SHISA9: variants seen among roughly 807,000 people sequenced by gnomAD.
SHISA9 encodes the protein shisa family member 9, also known as protein shisa-9.
SHISA9 carries 13 observed loss-of-function variants against 38.0 expected under a neutral mutation model. That is an observed-to-expected ratio of 0.34 (90% CI 0.22 to 0.54). The LOEUF is 0.54. Ranked by LOEUF, SHISA9 falls within the 20% of genes least tolerant of loss-of-function variation. SHISA9 has a pLI of 0.91. For synonymous variants in SHISA9, 275 were observed against 242.0 expected (o/e 1.14, Z -1.27); for missense variants, 538 against 575.8 (o/e 0.93, Z 0.67).
the SHISA9 span, among the ~76,000 whole-genome samples, chr16:13,400,565 G>A: frequency 4.6e-5 from 7 of 152,142 alleles, no homozygotes; most frequent in Non-Finnish European, 1.5e-5. Flanking sequence ...CTAACAGGAG[G>A]GCTTCAGCCA....
chr16:13,375,505 A>G, the SHISA9 span, among the ~76,000 whole-genome samples: 20 of 151,988 alleles, frequency 1.3e-4, no homozygotes, highest in African/African-American at 4.6e-4. Context: ...TATTTCTGAG[A>G]GCTCTGTTCT....
At chr16:12,926,252 G>A (rs757451463) in intron 2 of SHISA9, among the ~76,000 whole-genome samples, 1 of 151,950 alleles carries the variant, frequency 6.6e-6, no homozygotes, top group South Asian at 2.1e-4. Flanking sequence ...CCTATACTGG[G>A]CGATATACCA....
intron 1 of SHISA9, among the ~76,000 whole-genome samples, chr16:12,912,001 C>T (rs1017715256): frequency 6.6e-6 from 1 of 152,198 alleles, no homozygotes; most frequent in Admixed American, 6.5e-5. Flanking sequence ...ATATAATTGC[C>T]ATACAGGCAG....
chr16:13,022,353 CAG>C (rs2072867567), intron 2 of SHISA9, among the ~76,000 whole-genome samples: 1 of 150,554 alleles, frequency 6.6e-6, no homozygotes, highest in African/African-American at 2.4e-5. Flanking sequence ...TTTTTCGAGA[CAG>C]AGTTTCGCTC....
chr16:13,355,201 G>C, the SHISA9 span, among the ~76,000 whole-genome samples: 2 of 149,646 alleles, frequency 1.3e-5, no homozygotes, highest in African/African-American at 4.9e-5. Context: ...TTTTAGGACA[G>C]GTAAAATGGG....
At chr16:13,008,668 TCC>T (rs1567179947) in intron 2 of SHISA9, among the ~76,000 whole-genome samples, 3 of 65,802 alleles carry the variant, frequency 4.6e-5, no homozygotes, top group African/African-American at 2.0e-4. Context: ...CCTCCCTTCC[TCC>T]CTCCCTCCCT....
chr16:13,486,459 T>G, the SHISA9 span, among the ~76,000 whole-genome samples: 1 of 152,222 alleles, frequency 6.6e-6, no homozygotes, highest in Non-Finnish European at 1.5e-5. Context: ...AGAGTCAGCA[T>G]CCAGGTGGCA....
the SHISA9 span, among the ~76,000 whole-genome samples, chr16:13,492,043 C>T: frequency 6.6e-6 from 1 of 151,438 alleles, no homozygotes; most frequent in Non-Finnish European, 1.5e-5. Flanking sequence ...TTTTAGATTC[C>T]AGACCCCACC....
At chr16:13,398,655 C>T in the SHISA9 span, among the ~76,000 whole-genome samples, 1 of 151,964 alleles carries the variant, frequency 6.6e-6, no homozygotes, top group Non-Finnish European at 1.5e-5. Context: ...GAATTACAAG[C>T]ACCTGCCACC....
At chr16:13,408,724 C>A in the SHISA9 span, among the ~76,000 whole-genome samples, 3 of 152,142 alleles carry the variant, frequency 2.0e-5, no homozygotes, top group East Asian at 5.8e-4. Flanking sequence ...CATTTCAAAC[C>A]TGTTTTCTCC....
chr16:13,430,789 C>G, the SHISA9 span, among the ~76,000 whole-genome samples: 1 of 151,198 alleles, frequency 6.6e-6, no homozygotes, highest in Non-Finnish European at 1.5e-5. Flanking sequence ...GGTGGTGGAA[C>G]ATGCCTGTAG....
chr16:12,960,685 G>C (rs892230208), intron 2 of SHISA9, among the ~76,000 whole-genome samples: 1 of 152,194 alleles, frequency 6.6e-6, no homozygotes, highest in East Asian at 1.9e-4. Flanking sequence ...CGCACATCAT[G>C]TGTTCTCACT....
chr16:12,990,535 T>C lies in SHISA9; in HGVS notation c.691+73720T>C, dbSNP rs145493059. Among the ~76,000 whole-genome samples the C allele has an allele frequency of 1.2e-4, 19 of 152,376 alleles. No individual in the cohort carries two copies. In the East Asian group the frequency reaches 2.1e-3, roughly 17 times the overall value. On this transcript the variant is annotated intron_variant, in intron 2 of 4. Transcript: ENST00000558583. ...CACATCATGAATTATTTAACCATTT[T>C]ATTATACTTGGACATTTAGGAGGTT...
At chr16:13,172,670 C>A (rs1438702) in intron 2 of SHISA9, among the ~76,000 whole-genome samples, 16,856 of 151,508 alleles carry the variant, frequency 0.11, 1,023 homozygotes, top group Middle Eastern at 0.2. Flanking sequence ...CCTGGTTTCG[C>A]GTCTGTTTAG....
the SHISA9 span, among the ~76,000 whole-genome samples, chr16:13,483,732 T>C: frequency 6.6e-6 from 1 of 151,986 alleles, no homozygotes; most frequent in African/African-American, 2.4e-5. Flanking sequence ...TCATGAATCT[T>C]CCCTAAAAAC....
intron 2 of SHISA9, among the ~76,000 whole-genome samples, chr16:13,096,155 T>A (rs2073824801): frequency 6.6e-6 from 1 of 152,212 alleles, no homozygotes; most frequent in Non-Finnish European, 1.5e-5. Flanking sequence ...GATAATCATA[T>A]GTATGTCATA....
the SHISA9 span, among the ~76,000 whole-genome samples, chr16:13,403,818 G>A: frequency 6.6e-6 from 1 of 152,124 alleles, no homozygotes; most frequent in Non-Finnish European, 1.5e-5. Flanking sequence ...GAGCGTTTTG[G>A]TACCAGCTGG....
At chr16:13,371,245 C>A in the SHISA9 span, among the ~76,000 whole-genome samples, 1 of 152,148 alleles carries the variant, frequency 6.6e-6, no homozygotes, top group Non-Finnish European at 1.5e-5. Context: ...GCCTGTTCAA[C>A]AACTATTCAG....
intron 4 of SHISA9, among the ~76,000 whole-genome samples, chr16:13,215,118 C>T (rs2051155915): frequency 6.6e-6 from 1 of 152,084 alleles, no homozygotes; most frequent in Non-Finnish European, 1.5e-5. Context: ...GTGGAAGGAT[C>T]ATTGAGAGAC....
Sources: allele counts gnomAD v4.1 joint callset (sites outside exome capture counted in the v4.1 genomes callset), GRCh38; gene constraint gnomAD v4.1.1; transcripts MANE v1.5; gene names NCBI Gene and HGNC (gene_info 2026-07-23, HGNC 2026-07-21).